Variants in PPARGC1A observed in about 807,000 individuals in gnomAD.
PPARGC1A encodes PPARG coactivator 1 alpha.
Under a neutral mutation model 88.7 loss-of-function variants are expected in PPARGC1A, and 25 were observed. That is an observed-to-expected ratio of 0.28 (90% confidence interval 0.21 to 0.39). PPARGC1A has a LOEUF of 0.39. PPARGC1A is among the 10% of genes least tolerant of loss of function. The probability of loss-of-function intolerance (pLI) is 1.00; values close to 1 mark genes in which losing one functional copy is unlikely to be tolerated. For synonymous variants in PPARGC1A, 363 were observed against 355.6 expected (o/e 1.02, Z -0.24); for missense variants, 880 against 968.7 (o/e 0.91, Z 1.22).
chr4:24,467,118 G>T, the PPARGC1A span, among the ~76,000 whole-genome samples: 1 of 149,906 alleles, frequency 6.7e-6, no homozygotes, highest in Non-Finnish European at 1.5e-5. Context: ...GAGGGAGGGA[G>T]GGATGGAGGA....
At chr4:24,464,901 C>T in the PPARGC1A span, among the ~76,000 whole-genome samples, 44 of 152,208 alleles carry the variant, frequency 2.9e-4, no homozygotes, top group African/African-American at 1.1e-3. Context: ...GTGAGCCTCC[C>T]CCAGTAGCAA....
the PPARGC1A span, among the ~76,000 whole-genome samples, chr4:24,398,025 T>A: frequency 6.6e-6 from 1 of 152,186 alleles, no homozygotes; most frequent in African/African-American, 2.4e-5. Flanking sequence ...CACTGCCAAT[T>A]CCTAGCCTAA....
chr4:24,244,878 T>G, the PPARGC1A span, among the ~76,000 whole-genome samples: 1 of 152,336 alleles, frequency 6.6e-6, no homozygotes, highest in African/African-American at 2.4e-5. Context: ...TGCTGCCAAC[T>G]TGTGACCTTC....
chr4:24,179,205 C>T, the PPARGC1A span, among the ~76,000 whole-genome samples: 1 of 152,120 alleles, frequency 6.6e-6, no homozygotes, highest in Non-Finnish European at 1.5e-5. Flanking sequence ...ACAAGAACAC[C>T]AAGACCTGCA....
At chr4:23,986,089 C>G in the PPARGC1A span, among the ~76,000 whole-genome samples, 18 of 151,984 alleles carry the variant, frequency 1.2e-4, no homozygotes, top group Non-Finnish European at 2.5e-4. Flanking sequence ...TGATTGTGCA[C>G]TCCTGAAGAG....
the PPARGC1A span, among the ~76,000 whole-genome samples, chr4:23,910,222 A>AATATATTATATATAATATATATAAAT: frequency 0.18 from 15,247 of 86,864 alleles, 3,359 homozygotes; most frequent in Non-Finnish European, 0.29. Context: ...TATAATATAT[A>AATATATTATATATAATATATATAAAT]ATATATTATA....
At chr4:24,229,973 G>C in the PPARGC1A span, among the ~76,000 whole-genome samples, 1 of 152,136 alleles carries the variant, frequency 6.6e-6, no homozygotes, top group South Asian at 2.1e-4. Flanking sequence ...TGGAAATGCA[G>C]ACCAAAATCC....
chr4:24,069,216 A>G, the PPARGC1A span, among the ~76,000 whole-genome samples: 1,061 of 152,270 alleles, frequency 7.0e-3, 38 homozygotes, highest in East Asian at 0.13. Context: ...CCTAGAGCCA[A>G]TCTCAGTAAA....
chr4:24,312,215 A>G, the PPARGC1A span, among the ~76,000 whole-genome samples: 2 of 152,166 alleles, frequency 1.3e-5, no homozygotes, highest in South Asian at 2.1e-4. Flanking sequence ...GAGCCTCTGG[A>G]CCACCAAACT....
At chr4:24,263,525 T>C in the PPARGC1A span, among the ~76,000 whole-genome samples, 1 of 151,804 alleles carries the variant, frequency 6.6e-6, no homozygotes, top group Non-Finnish European at 1.5e-5. Context: ...ACTGCATGGA[T>C]CCACTTATAC....
At chr4:24,320,715 T>C in the PPARGC1A span, among the ~76,000 whole-genome samples, 2 of 152,218 alleles carry the variant, frequency 1.3e-5, no homozygotes, top group Non-Finnish European at 2.9e-5. Context: ...TTCTTGGGTG[T>C]GTGTGCAAAA....
the PPARGC1A span, among the ~76,000 whole-genome samples, chr4:23,941,380 G>A: frequency 1.3e-5 from 2 of 152,038 alleles, no homozygotes; most frequent in Admixed American, 1.3e-4. Context: ...AATGTCATAT[G>A]TCTAAATGGA....
the PPARGC1A span, among the ~76,000 whole-genome samples, chr4:24,028,451 T>C: frequency 1.7e-3 from 257 of 152,284 alleles, 2 homozygotes; most frequent in Middle Eastern, 6.8e-3. Context: ...CCAGGGACCA[T>C]CTATGAGCCT....
chr4:24,458,777 A>G, the PPARGC1A span, among the ~76,000 whole-genome samples: 1 of 152,208 alleles, frequency 6.6e-6, no homozygotes, highest in Non-Finnish European at 1.5e-5. Flanking sequence ...TTAACATACA[A>G]TGGGATACTA....
chr4:24,141,270 TCAGGTTTCA>T, the PPARGC1A span, among the ~76,000 whole-genome samples: 1 of 152,246 alleles, frequency 6.6e-6, no homozygotes, highest in South Asian at 2.1e-4. Context: ...CCAAGCGGCC[TCAGGTTTCA>T]CATGACCAGT....
the PPARGC1A span, among the ~76,000 whole-genome samples, chr4:24,069,704 T>C: frequency 6.6e-6 from 1 of 152,196 alleles, no homozygotes; most frequent in Non-Finnish European, 1.5e-5. Context: ...GGAGTCCACA[T>C]GTAGAATAAA....
the PPARGC1A span, among the ~76,000 whole-genome samples, chr4:23,985,151 G>A: frequency 1.3e-5 from 2 of 152,094 alleles, no homozygotes; most frequent in African/African-American, 4.8e-5. Context: ...TTATTACATG[G>A]CGGTTGGGTA....
the PPARGC1A span, among the ~76,000 whole-genome samples, chr4:24,072,176 TAAATA>T: frequency 1.4e-5 from 2 of 147,648 alleles, no homozygotes; most frequent in Non-Finnish European, 3.0e-5. Context: ...ATTATTAAAT[TAAATA>T]ATTTATATAT....
At chr4:24,190,071 T>G in the PPARGC1A span, among the ~76,000 whole-genome samples, 4 of 152,168 alleles carry the variant, frequency 2.6e-5, no homozygotes, top group Non-Finnish European at 5.9e-5. Flanking sequence ...GCTTGAAATG[T>G]CTAGGGTTTC....
Sources: gnomAD v4.1 joint callset for allele counts (sites outside exome capture counted in the v4.1 genomes callset) on GRCh38, gnomAD v4.1.1 for gene constraint, MANE v1.5 for transcripts, NCBI Gene and HGNC (gene_info 2026-07-23, HGNC 2026-07-21) for gene names.